Variants in OR2L13 observed in about 807,000 individuals in gnomAD.
OR2L13 encodes olfactory receptor 2L13.
In OR2L13, 14 loss-of-function variants were observed where a neutral mutation model predicts 15.3. The ratio of observed to expected loss-of-function variants is 0.91; its 90% CI spans 0.60 to 1.43. OR2L13 has a LOEUF of 1.43. Among genes scored for constraint, OR2L13 ranks in the 40% most tolerant of loss-of-function variants. OR2L13 has a pLI of 0.00. For missense variants in OR2L13, 367 were observed against 387.9 expected (o/e 0.95, Z 0.45); for synonymous variants, 152 against 142.9 (o/e 1.06, Z -0.45).
At chr1:248,099,545 C>T (rs776115750) in exon 3 of OR2L13, 4 of 1,613,936 alleles carry the variant, frequency 2.5e-6, no homozygotes, top group Admixed American at 1.7e-5. Context: ...CTCCACACAC[C>T]GATGTACTTT....
the OR2L13 span, among the ~76,000 whole-genome samples, chr1:247,988,778 C>T: frequency 2.0e-5 from 3 of 152,188 alleles, no homozygotes; most frequent in East Asian, 5.8e-4. Context: ...TGTCAAGTTG[C>T]TGCTTCCTTT....
the OR2L13 span, among the ~76,000 whole-genome samples, chr1:247,989,485 G>A: frequency 6.6e-6 from 1 of 152,088 alleles, no homozygotes; most frequent in African/African-American, 2.4e-5. Flanking sequence ...GTGTTGGGCA[G>A]CAAACATTTG....
the OR2L13 span, among the ~76,000 whole-genome samples, chr1:248,010,290 CTGTTTGTTA>C: frequency 1.3e-5 from 2 of 152,038 alleles, no homozygotes; most frequent in Non-Finnish European, 2.9e-5. Flanking sequence ...CCAAAATCTT[CTGTTTGTTA>C]TGATTTCCGT....
At chr1:248,096,431 G>A (rs920761992), upstream of OR2L13, among the ~76,000 whole-genome samples, 1 of 151,760 alleles carries the variant, frequency 6.6e-6, no homozygotes, top group African/African-American at 2.4e-5. Context: ...TGTAAAAAAA[G>A]GTAACATGAA....
chr1:248,053,678 T>C, the OR2L13 span, among the ~76,000 whole-genome samples: 1 of 152,356 alleles, frequency 6.6e-6, no homozygotes, highest in Admixed American at 6.5e-5. Context: ...TATCTAATTA[T>C]GGTTTTGATT....
At chr1:247,971,371 G>A in the OR2L13 span, among the ~76,000 whole-genome samples, 3 of 152,264 alleles carry the variant, frequency 2.0e-5, no homozygotes, top group African/African-American at 4.8e-5. Context: ...TGGAAGAAAG[G>A]TTGGTTGAGG....
At chr1:248,075,637 T>C in the OR2L13 span, among the ~76,000 whole-genome samples, 1 of 152,244 alleles carries the variant, frequency 6.6e-6, no homozygotes, top group Non-Finnish European at 1.5e-5. Flanking sequence ...GTCTTTTGGC[T>C]GCATAGATGT....
At chr1:248,030,817 T>G in the OR2L13 span, among the ~76,000 whole-genome samples, 1 of 152,174 alleles carries the variant, frequency 6.6e-6, no homozygotes, top group Non-Finnish European at 1.5e-5. Flanking sequence ...TCCTGACATA[T>G]TGCACGTGCC....
chr1:247,974,337 T>G, the OR2L13 span, among the ~76,000 whole-genome samples: 3 of 151,844 alleles, frequency 2.0e-5, no homozygotes, highest in African/African-American at 4.8e-5. Context: ...AAAACCTAGG[T>G]GATGGATTGA....
the OR2L13 span, among the ~76,000 whole-genome samples, chr1:248,067,743 G>A: frequency 1.3e-5 from 2 of 152,156 alleles, no homozygotes; most frequent in Non-Finnish European, 2.9e-5. Flanking sequence ...TTTCCTAGTC[G>A]AAGAAAGGGG....
chr1:248,071,031 G>T, the OR2L13 span, among the ~76,000 whole-genome samples: 2 of 151,950 alleles, frequency 1.3e-5, no homozygotes, highest in Non-Finnish European at 2.9e-5. Context: ...ATTCACAGCC[G>T]AATTCTACCA....
chr1:248,049,781 C>T, the OR2L13 span, among the ~76,000 whole-genome samples: 1 of 151,838 alleles, frequency 6.6e-6, no homozygotes, highest in Admixed American at 6.6e-5. Context: ...AAAACTGAAC[C>T]AGCCTTATTT....
At chr1:247,966,104 C>G in the OR2L13 span, 1 of 1,614,080 alleles carries the variant, frequency 6.2e-7, no homozygotes, top group Admixed American at 1.7e-5. Context: ...ACTTGTTCCT[C>G]CCACCTGATT....
chr1:248,100,254 T>G (rs1345231817), exon 3 of OR2L13: 1 of 1,613,558 alleles, frequency 6.2e-7, no homozygotes, highest in Admixed American at 1.7e-5. Context: ...GCCTGAGGAA[T>G]AAGGAAGTCC....
the OR2L13 span, among the ~76,000 whole-genome samples, chr1:247,995,877 G>A: frequency 2.0e-5 from 3 of 151,992 alleles, no homozygotes; most frequent in Non-Finnish European, 2.9e-5. Context: ...TCCAGATCCC[G>A]AATTACAATG....
At chr1:248,024,810 C>T in the OR2L13 span, among the ~76,000 whole-genome samples, 6 of 152,202 alleles carry the variant, frequency 3.9e-5, no homozygotes, top group South Asian at 8.3e-4. Context: ...GTTACTATAG[C>T]CTTGTAGTAT....
At chr1:248,095,234 T>C (rs1558221409), upstream of OR2L13, 2 of 152,266 alleles carry the variant, frequency 1.3e-5, no homozygotes, top group African/African-American at 2.4e-5. Context: ...AAATGCCTTA[T>C]TCTGTTCTCA....
At chr1:247,945,931 G>A in the OR2L13 span, among the ~76,000 whole-genome samples, 1 of 152,040 alleles carries the variant, frequency 6.6e-6, no homozygotes, top group African/African-American at 2.4e-5. Flanking sequence ...CACACCAATG[G>A]GTGACTTTGG....
the OR2L13 span, among the ~76,000 whole-genome samples, chr1:247,951,867 C>A: frequency 9.3e-4 from 141 of 152,324 alleles, no homozygotes; most frequent in African/African-American, 3.2e-3. Context: ...ACCCTACTGC[C>A]ACCTGCACTG....
Sources: allele counts gnomAD v4.1 joint callset (sites outside exome capture counted in the v4.1 genomes callset), GRCh38; gene constraint gnomAD v4.1.1; transcripts MANE v1.5; gene names NCBI Gene and HGNC (gene_info 2026-07-23, HGNC 2026-07-21).